RUVBL2: variants seen among roughly 807,000 people sequenced by gnomAD.
RUVBL2 encodes ruvB-like 2.
In RUVBL2, 9 loss-of-function variants were observed where a neutral mutation model predicts 57.9. The observed-to-expected ratio is 0.16, with a 90% CI of 0.09 to 0.27. The LOEUF (loss-of-function observed/expected upper bound fraction) is 0.27, where lower values mean the gene tolerates loss of function less well. Among genes scored for constraint, RUVBL2 ranks in the 10% least tolerant of loss-of-function variants. The pLI, the probability that RUVBL2 is intolerant of heterozygous loss-of-function variation, is 1.00. For synonymous variants in RUVBL2, 278 were observed against 264.6 expected (o/e 1.05, Z -0.49); for missense variants, 456 against 669.6 (o/e 0.68, Z 3.52).
chr19:49,010,467 T>TGGGCCGG, intron 8 of RUVBL2, 21 bp from the exon 9 acceptor site: 1 of 1,401,206 alleles, frequency 7.1e-7, no homozygotes, highest in Non-Finnish European at 9.9e-7. Flanking sequence ...CCGCCGTTCT[T>TGGGCCGG]CCCCCACCCC....
At chr19:48,993,587 G>A (rs1360423187), upstream of RUVBL2, 2 of 510,786 alleles carry the variant, frequency 3.9e-6, no homozygotes, top group African/African-American at 1.9e-5. Flanking sequence ...GTGGGATAAA[G>A]AGGAAAGGAG....
chr19:48,999,026 C>CAA (rs369612985), intron 1 of RUVBL2, among the ~76,000 whole-genome samples: 1 of 128,500 alleles, frequency 7.8e-6, no homozygotes, highest in African/African-American at 2.9e-5. Flanking sequence ...GACTTCATCT[C>CAA]AAAAAAAAAA....
At chr19:49,010,697 T>C in intron 9 of RUVBL2, 86 bp downstream of exon 9, 2 of 1,563,406 alleles carry the variant, frequency 1.3e-6, no homozygotes, top group Non-Finnish European at 1.7e-6. Context: ...GAGCTCCGAG[T>C]GTGGCCCACC....
chr19:49,010,482 C>CCCCACA lies in RUVBL2; in HGVS notation c.664-5_664-4insCCACAC. ...CCGCCGTTCTTCCCCCACCCCCGCC[C>CCCCACA]CATAGACCAAGTTCGTGCAGTGCCC... On this transcript the variant is annotated splice_polypyrimidine_tract_variant and splice_region_variant and intron_variant, in intron 8 of 14. Coordinates refer to ENST00000595090, the MANE Select transcript of RUVBL2 (RefSeq NM_006666.3). 6.2e-7 allele frequency: 1 copy of CCCCACA among 1,605,464 alleles called. No individual in the cohort carries two copies. Among genetic ancestry groups the CCCCACA allele is most frequent in the South Asian group, 1.1e-5 (1 of 90,834 alleles).
rs1356153660 is a variant in RUVBL2, at chr19:49,011,182, C to T, written c.883-10C>T. 3.7e-6 allele frequency: 6 copies of T among 1,613,382 alleles called. No individual in the cohort carries two copies. The highest frequency in any genetic ancestry group is 5.1e-6 in the Non-Finnish European group (6 of 1,179,654). On this transcript the variant is annotated splice_polypyrimidine_tract_variant and intron_variant, in intron 10 of 14. Coordinates refer to ENST00000595090, the MANE Select transcript of RUVBL2 (RefSeq NM_006666.3). This position sits in a 1 kb window ranked among gnomAD's most constrained non-coding sequence, Gnocchi z 4.4. ...GCGGGTGGTGACTCTCACACACACC[C>T]CAATCCAAGGTGCTGTTCATCGACG...
chr19:49,014,688 A>G, intron 12 of RUVBL2, 85 bp downstream of exon 12: 1 of 1,538,752 alleles, frequency 6.5e-7, no homozygotes, highest in Non-Finnish European at 8.8e-7. Flanking sequence ...GGTCCAGCGG[A>G]GTGGCATGGT....
intron 1 of RUVBL2, among the ~76,000 whole-genome samples, chr19:48,996,564 T>G (rs898398287): frequency 1.3e-5 from 2 of 148,536 alleles, no homozygotes; most frequent in African/African-American, 5.0e-5. Flanking sequence ...CTTGCTCTGA[T>G]GCCCAGGCTG....
At chr19:49,014,036 G>C (rs7256062) in intron 11 of RUVBL2, among the ~76,000 whole-genome samples, 84,754 of 152,192 alleles carry the variant, frequency 0.56, 23,970 homozygotes, top group Admixed American at 0.63. Context: ...CTGTATTCCA[G>C]TAGGAGCAGT....
chr19:49,005,984 T>C (rs2039275149), intron 4 of RUVBL2, among the ~76,000 whole-genome samples: 2 of 152,232 alleles, frequency 1.3e-5, no homozygotes, highest in African/African-American at 4.8e-5. Flanking sequence ...TTTCCTCTTC[T>C]TGTGTCTCCC....
intron 3 of RUVBL2, 93 bp from the exon 4 acceptor site, chr19:49,004,184 A>AG: frequency 6.6e-7 from 1 of 1,524,312 alleles, no homozygotes; most frequent in Non-Finnish European, 8.9e-7. Flanking sequence ...CCCAGCTAGT[A>AG]ATGTCTGCTT....
At chr19:49,000,174 G>C (rs2039150406) in intron 2 of RUVBL2, among the ~76,000 whole-genome samples, 2 of 152,234 alleles carry the variant, frequency 1.3e-5, no homozygotes, top group Non-Finnish European at 2.9e-5. Flanking sequence ...AGCTAAGATA[G>C]TTTACCTCAT....
intron 2 of RUVBL2, among the ~76,000 whole-genome samples, chr19:49,000,225 T>C (rs2039151237): frequency 6.6e-6 from 1 of 152,214 alleles, no homozygotes; most frequent in African/African-American, 2.4e-5. Context: ...ATATAAAGCA[T>C]TTTGGGTCTG....
intron 2 of RUVBL2, chr19:49,001,434 T>G (rs1447373770): frequency 6.7e-6 from 1 of 148,364 alleles, no homozygotes; most frequent in Non-Finnish European, 1.5e-5. Context: ...AGTGCTGGAA[T>G]TACAGGCATG....
upstream of RUVBL2, chr19:48,993,650 T>A: frequency 1.7e-6 from 1 of 587,800 alleles, no homozygotes; most frequent in Non-Finnish European, 3.0e-6. Context: ...GCAATCGGCC[T>A]GAGCGGGGCG....
intron 4 of RUVBL2, 114 bp downstream of exon 4, chr19:49,004,532 T>A: frequency 9.7e-7 from 1 of 1,027,416 alleles, no homozygotes; most frequent in Non-Finnish European, 1.4e-6. Flanking sequence ...GGCAGTGGCT[T>A]AAACACTCAG....
Position 49,014,578 on chromosome 19 carries a change from G to C in RUVBL2, c.1096G>C (p.Asp366His). The C allele has an allele frequency of 6.2e-7, 1 of 1,614,142 alleles. No homozygotes were observed. Among genetic ancestry groups the C allele is most frequent in the South Asian group, 1.1e-5 (1 of 91,086 alleles). Reference protein sequence around the residue: ...IVSTTPYSEKDTKQILRIRCE... With the variant: ...IVSTTPYSEKHTKQILRIRCE... ...CTCCACCACCCCCTACAGCGAGAAA[G>C]ACACGAAGCAGATCCTCCGCATCCG... Residue 366 changes from aspartate (D) to histidine (H), a missense_variant, in exon 12 of 15, where the codon GAC becomes CAC. Coordinates refer to ENST00000595090, the MANE Select transcript of RUVBL2 (RefSeq NM_006666.3).
chr19:49,007,576 C>T (rs756835653), intron 6 of RUVBL2, among the ~76,000 whole-genome samples: 6 of 152,136 alleles, frequency 3.9e-5, no homozygotes, highest in African/African-American at 9.7e-5. Flanking sequence ...GAAACTGAGG[C>T]GGTAAAATAA....
rs1300360093 is a variant in RUVBL2 at position 49,010,572 on chromosome 19, A to G, written c.748A>G (p.Ile250Val). The G allele has an allele frequency of 1.2e-6, 2 of 1,611,674 alleles. No individual in the cohort carries two copies. The highest frequency in any genetic ancestry group is 1.7e-5 in the Admixed American group (1 of 59,484). ...CGTGTCCCTGCACGAGATCGACGTC[A>G]TCAACTCTCGCACCCAGGGCTTCCT... is the stretch of plus-strand genomic sequence containing the variant. ...HTVSLHEIDV[I>V]NSRTQGFLAL... Residue 250 changes from isoleucine to valine, a missense_variant, in exon 9 of 15, where the codon ATC becomes GTC. By Grantham distance (29) the Ile-to-Val change is conservative. Coordinates refer to ENST00000595090, the MANE Select transcript of RUVBL2 (RefSeq NM_006666.3).
chr19:49,011,177 A>G lies in RUVBL2; in HGVS notation c.883-15A>G. On this transcript the variant is annotated splice_polypyrimidine_tract_variant and intron_variant, in intron 10 of 14. Coordinates refer to ENST00000595090, the MANE Select transcript of RUVBL2 (RefSeq NM_006666.3). The surrounding 1 kb of genome is among the most constrained non-coding windows in gnomAD (Gnocchi z 4.4). Reference sequence around the variant, plus strand: ...GGGACGCGGGTGGTGACTCTCACACACACCCCAATCCAAGGTGCTGTTCAT... The same window carrying G: ...GGGACGCGGGTGGTGACTCTCACACGCACCCCAATCCAAGGTGCTGTTCAT... 6.2e-7 allele frequency: 1 copy of G among 1,612,070 alleles called. No individual in the cohort carries two copies. Among genetic ancestry groups the G allele is most frequent in the South Asian group, 1.1e-5 (1 of 91,054 alleles).
Sources: gnomAD v4.1 joint callset for allele counts (sites outside exome capture counted in the v4.1 genomes callset) on GRCh38, gnomAD v4.1.1 for gene constraint, Gnocchi (gnomAD v3.1) non-coding constraint, MANE v1.5 for transcripts, NCBI Gene and HGNC (gene_info 2026-07-23, HGNC 2026-07-21) for gene names.